NAA16: variants seen among roughly 807,000 people sequenced by gnomAD.
NAA16 encodes the protein NARG1-like protein.
Under a neutral mutation model 110.3 loss-of-function variants are expected in NAA16, and 97 were observed. The ratio of observed to expected loss-of-function variants is 0.88; its 90% confidence interval spans 0.75 to 1.04. The LOEUF (loss-of-function observed/expected upper bound fraction) is 1.04. Ranked by LOEUF, NAA16 falls within the 50% of genes least tolerant of loss-of-function variation. The pLI, the probability that NAA16 is intolerant of heterozygous loss-of-function variation, is 0.00. For synonymous variants in NAA16, 372 were observed against 330.6 expected, an observed-to-expected ratio of 1.13 and a Z score of -1.36; for missense variants, 1,017 against 1,005.1, an observed-to-expected ratio of 1.01 and a Z score of -0.16.
chr13:41,349,589 AT>A (rs1216821471), intron 9 of NAA16, among the ~76,000 whole-genome samples: 3 of 152,120 alleles, frequency 2.0e-5, no homozygotes, highest in African/African-American at 7.2e-5. Flanking sequence ...ATCTGTATTT[AT>A]TCCAAAAGAT....
chr13:41,335,521 A>T (rs1206256159), intron 8 of NAA16, among the ~76,000 whole-genome samples: 4 of 152,292 alleles, frequency 2.6e-5, no homozygotes, highest in Non-Finnish European at 2.9e-5. Context: ...ACTATTTTTG[A>T]TTTTTAAAGA....
At position 41,316,857 on chromosome 13, in the gene NAA16, A is replaced by G. The variant is rs746481328; in HGVS notation, c.66A>G (p.Glu22=). 25 of 1,612,094 alleles carry G rather than the reference A, an allele frequency of 1.6e-5. No homozygotes were observed. The East Asian group carries it at 4.9e-4, about 32-fold the overall frequency. ...ATATTTCTTTACAGAAATGTTATGA[A>G]CAGAAGCAGTACAAAAATGGCCTCA... ...NLFKRILKCY[E]QKQYKNGLKF... is the part of the protein sequence containing the mutation. Residue 22 remains glutamate, a synonymous_variant, in exon 2 of 20, where the codon GAA becomes GAG. Coordinates refer to ENST00000379406, the MANE Select transcript of NAA16 (RefSeq NM_024561.5).
At chr13:41,368,715 CATTATT>C (rs1159019834) in intron 14 of NAA16, among the ~76,000 whole-genome samples, 2 of 151,900 alleles carry the variant, frequency 1.3e-5, no homozygotes, top group Non-Finnish European at 2.9e-5. Context: ...TTTTTCTTGT[CATTATT>C]AGTATTTCCT....
At chr13:41,342,364 C>G (rs545115548) in intron 9 of NAA16, among the ~76,000 whole-genome samples, 60 of 152,220 alleles carry the variant, frequency 3.9e-4, no homozygotes, top group Non-Finnish European at 8.8e-5. Flanking sequence ...TCTCGAACTC[C>G]TGAGCGCAAG....
In NAA16 at chr13:41,320,690, C is replaced by G. The variant is rs1026414497; in HGVS notation, c.268C>G (p.Gln90Glu). 10 of 1,611,184 alleles carry G rather than the reference C, an allele frequency of 6.2e-6. No homozygotes were observed. The highest frequency in any genetic ancestry group is 4.5e-5 in the East Asian group (2 of 44,840). The change falls in exon 4 of 20, where the codon CAG becomes GAG. Residue 90 changes from glutamine to glutamate, a missense_variant. Coordinates refer to ENST00000379406, the MANE Select transcript of NAA16 (RefSeq NM_024561.5). ...AGGTTGGCATGTATATGGACTCTTG[C>G]AGCGTTCTGATAAAAAATATGATGA... ...HVCWHVYGLL[Q>E]RSDKKYDEAI...
chr13:41,367,471 C>T lies in NAA16; in HGVS notation c.1572C>T (p.Asp524=), dbSNP rs2043229219. 6 of 1,606,982 alleles carry T rather than the reference C, an allele frequency of 3.7e-6. No homozygotes were observed. The highest frequency in any genetic ancestry group is 5.1e-6 in the Non-Finnish European group (6 of 1,176,058). The change falls in exon 14 of 20, where the codon GAC becomes GAT. Residue 524 remains aspartate (D), a synonymous_variant. Coordinates refer to ENST00000379406, the MANE Select transcript of NAA16 (RefSeq NM_024561.5). ...TTGAGATAACTGATGACCAATTCGA[C>T]TTCCATACATACTGCATGAGAAAGA... The part of the protein sequence containing the change: ...HFFEITDDQF[D]FHTYCMRKMT...
chr13:41,369,219 G>A lies in NAA16; in HGVS notation c.1883G>A (p.Arg628Lys), dbSNP rs777680792. 1 of 1,596,432 alleles carries A rather than the reference G, an allele frequency of 6.3e-7. No individual in the cohort carries two copies. Among genetic ancestry groups the A allele is most frequent in the Non-Finnish European group, 8.5e-7 (1 of 1,174,344 alleles). The part of the protein sequence containing the change: ...ERQQKNQKKK[R>K]DEEEEEASGL... ...CAACAGAAAAATCAAAAGAAAAAAAGAGATGAAGAAGAAGAAGAAGCCAGT... is the reference window on the plus strand; with the variant it reads ...CAACAGAAAAATCAAAAGAAAAAAAAAGATGAAGAAGAAGAAGAAGCCAGT... The change falls in exon 15 of 20, where the codon AGA becomes AAA. Residue 628 changes from arginine to lysine, a missense_variant. Coordinates refer to ENST00000379406, the MANE Select transcript of NAA16 (RefSeq NM_024561.5).
Position 41,362,116 on chromosome 13 carries a change from G to A in NAA16, c.1496G>A (p.Gly499Glu). The change falls in exon 13 of 20, where the codon GGG (glycine) becomes GAG (glutamate). Residue 499 changes from glycine to glutamate, a missense_variant. By Grantham distance (98) the Gly-to-Glu change is moderately conservative (BLOSUM62 -2). Coordinates refer to ENST00000379406, the MANE Select transcript of NAA16 (RefSeq NM_024561.5). ...TGCATTTCAGCTTATCAGCGTCTGG[G>A]GAGATACGGGGATGCCTTGAAAAAA... is the stretch of plus-strand genomic sequence containing the variant. Reference protein sequence around the residue: ...TECISAYQRLGRYGDALKKCH... With the variant: ...TECISAYQRLERYGDALKKCH... 6.2e-7 allele frequency: 1 copy of A among 1,607,728 alleles called. No homozygotes were observed. Among genetic ancestry groups the A allele is most frequent in the Non-Finnish European group, 8.5e-7 (1 of 1,177,944 alleles).
At chr13:41,336,610 G>A (rs780395911) in intron 8 of NAA16, 40 bp from the exon 9 acceptor site, 5 of 1,200,326 alleles carry the variant, frequency 4.2e-6, no homozygotes, top group East Asian at 2.4e-5. Flanking sequence ...AGAATTGTTT[G>A]CGTGAACCAA....
Position 41,358,864 on chromosome 13 carries a change from G to C in NAA16, c.1312G>C (p.Asp438His). 1 of 1,612,214 alleles carries C rather than the reference G, an allele frequency of 6.2e-7. No individual in the cohort carries two copies. The highest frequency in any genetic ancestry group is 8.5e-7 in the Non-Finnish European group (1 of 1,178,710). Residue 438 changes from aspartate (D) to histidine (H), a missense_variant, in exon 12 of 20, where the codon GAC becomes CAC. Coordinates refer to ENST00000379406, the MANE Select transcript of NAA16 (RefSeq NM_024561.5). ...GTGGATGGATGAAGCACAGTCTTTG[G>C]ACACAGCTGATAGATTCATCAATTC... Reference protein sequence around the residue: ...AKWMDEAQSLDTADRFINSKC... With the variant: ...AKWMDEAQSLHTADRFINSKC...
chr13:41,323,981 C>T (rs1259899861), intron 5 of NAA16, among the ~76,000 whole-genome samples: 1 of 152,160 alleles, frequency 6.6e-6, no homozygotes, highest in Admixed American at 6.5e-5. Flanking sequence ...TAGTAATTTC[C>T]TCTTTATGGA....
intron 8 of NAA16, among the ~76,000 whole-genome samples, chr13:41,334,865 A>G (rs1163307649): frequency 2.0e-5 from 3 of 151,466 alleles, no homozygotes; most frequent in African/African-American, 7.3e-5. Flanking sequence ...TACATTGTGC[A>G]TGTGTGAGCC....
intron 9 of NAA16, among the ~76,000 whole-genome samples, chr13:41,341,021 CA>C (rs1444149052): frequency 2.6e-5 from 4 of 152,120 alleles, no homozygotes; most frequent in Admixed American, 2.6e-4. Flanking sequence ...GTCTGAGAGA[CA>C]GTTTGTTGTG....
At chr13:41,334,914 C>A (rs76794221) in intron 8 of NAA16, among the ~76,000 whole-genome samples, 1 of 147,914 alleles carries the variant, frequency 6.8e-6, no homozygotes, top group Admixed American at 6.8e-5. Flanking sequence ...TCACCCCCCC[C>A]ACTGTGCTTT....
intron 9 of NAA16, among the ~76,000 whole-genome samples, chr13:41,348,551 A>G (rs1566277933): frequency 6.6e-6 from 1 of 152,074 alleles, no homozygotes; most frequent in Non-Finnish European, 1.5e-5. Context: ...TCGATTTGCT[A>G]GTGTTTTGTT....
At chr13:41,365,985 C>T (rs773451204) in intron 13 of NAA16, among the ~76,000 whole-genome samples, 1 of 151,966 alleles carries the variant, frequency 6.6e-6, no homozygotes, top group African/African-American at 2.4e-5. Context: ...CCTTAGTTAA[C>T]TGTATTGAAT....
At chr13:41,374,574 G>T (rs1399720488) in intron 18 of NAA16, 168 bp from the exon 19 acceptor site, 1 of 534,180 alleles carries the variant, frequency 1.9e-6, no homozygotes, top group Non-Finnish European at 3.3e-6. Context: ...TACTGAATAG[G>T]AGGTAGGGAA....
At chr13:41,362,354 G>C (rs1372130545) in intron 13 of NAA16, 195 bp downstream of exon 13, 4 of 525,048 alleles carry the variant, frequency 7.6e-6, no homozygotes, top group Non-Finnish European at 1.3e-5. Flanking sequence ...TTATGCTTTT[G>C]ACATGTCTAT....
intron 9 of NAA16, among the ~76,000 whole-genome samples, chr13:41,347,459 C>A (rs892804782): frequency 2.0e-5 from 3 of 152,030 alleles, no homozygotes; most frequent in Admixed American, 1.3e-4. Context: ...CTCAACTTAA[C>A]AATATTAAGT....
Sources: allele counts gnomAD v4.1 joint callset (sites outside exome capture counted in the v4.1 genomes callset), GRCh38; gene constraint gnomAD v4.1.1; transcripts MANE v1.5; gene names NCBI Gene and HGNC (gene_info 2026-07-23, HGNC 2026-07-21).